The following ASB15 variants were observed in gnomAD, a reference collection of about 807,000 sequenced individuals.
ASB15 encodes the protein ankyrin repeat and SOCS box protein 15.
A neutral mutation model predicts 58.0 loss-of-function variants in ASB15; 54 were observed. The ratio of observed to expected loss-of-function variants is 0.93; its 90% CI spans 0.75 to 1.17. The LOEUF is 1.17. Ranked by LOEUF, ASB15 falls within the 50% of genes most tolerant of loss-of-function variation. ASB15 has a pLI of 0.00. For synonymous variants in ASB15, 249 were observed against 262.4 expected (o/e 0.95, Z 0.50); for missense variants, 680 against 707.4 (o/e 0.96, Z 0.44).
chr7:123,595,906 A>C (rs1799678932), intron 1 of ASB15, among the ~76,000 whole-genome samples: 1 of 152,232 alleles, frequency 6.6e-6, no homozygotes, highest in Admixed American at 6.5e-5. Context: ...ACCAAACCTC[A>C]AAACTCAATC....
Position 123,624,803 on chromosome 7 carries a change from T to A in ASB15, c.686T>A (p.Leu229Gln). Reference protein sequence around the residue: ...EYGHCDVLEHLIHKGGDVLAL... With the variant: ...EYGHCDVLEHQIHKGGDVLAL... ...GGTCACTGTGACGTGTTAGAACATC[T>A]AATCCACAAAGGTATGTGAAAAGGA... Residue 229 changes from leucine (L) to glutamine (Q), a missense_variant, in exon 8 of 12, where the codon CTA (leucine) becomes CAA (glutamine). Coordinates refer to ENST00000451215, the MANE Select transcript of ASB15 (RefSeq NM_001290258.2). The A allele has an allele frequency of 6.2e-7, 1 of 1,613,812 alleles. No individual in the cohort carries two copies. The highest frequency in any genetic ancestry group is 1.7e-5 in the Admixed American group (1 of 59,984).
At chr7:123,616,144 A>C (rs1800797439) in intron 4 of ASB15, 77 bp from the exon 5 acceptor site, 1 of 1,205,624 alleles carries the variant, frequency 8.3e-7, no homozygotes, top group East Asian at 2.5e-5. Flanking sequence ...TAAAAATGCA[A>C]TATAAATTAA....
chr7:123,629,939 T>C (rs1802032461), intron 10 of ASB15, 27 bp from the exon 11 acceptor site: 15 of 1,504,736 alleles, frequency 1.0e-5, no homozygotes, highest in African/African-American at 1.4e-5. Flanking sequence ...AAAATACTAC[T>C]AAATTAAATT....
intron 1 of ASB15, among the ~76,000 whole-genome samples, chr7:123,580,063 GA>G (rs1799183243): frequency 6.6e-6 from 1 of 152,068 alleles, no homozygotes; most frequent in African/African-American, 2.4e-5. Context: ...GAGGAAAAGA[GA>G]TTGGCGGGAT....
At chr7:123,609,007 T>C (rs1385503664) in intron 3 of ASB15, 1 of 151,658 alleles carries the variant, frequency 6.6e-6, no homozygotes, top group African/African-American at 2.4e-5. Context: ...CTTTTAACTC[T>C]TGCCCTTCCT....
chr7:123,583,338 TATC>T (rs1341377939), intron 1 of ASB15, among the ~76,000 whole-genome samples: 1 of 151,952 alleles, frequency 6.6e-6, no homozygotes, highest in African/African-American at 2.4e-5. Context: ...TATGAGGAGA[TATC>T]ATGGGAAGTG....
chr7:123,633,300 AAAAT>A (rs1315155856), intron 11 of ASB15, among the ~76,000 whole-genome samples: 65 of 152,128 alleles, frequency 4.3e-4, no homozygotes, highest in African/African-American at 1.5e-3. Context: ...GTACATAGAT[AAAAT>A]AAATAATATT....
chr7:123,614,595 A>C lies in ASB15; in HGVS notation c.93A>C (p.Ala31=), dbSNP rs1232216995. The change falls in exon 4 of 12, where the codon GCA becomes GCC. Residue 31 remains alanine, a synonymous_variant. Coordinates refer to ENST00000451215, the MANE Select transcript of ASB15 (RefSeq NM_001290258.2). ...IQESIEASKT[A]LCPERFVPLS... ...AATCCATTGAAGCCAGCAAGACTGC[A>C]CTTTGTCCTGAAAGGTAGTATTCAA... 2 of 1,602,030 alleles carry C rather than the reference A, an allele frequency of 1.2e-6. No homozygotes were observed. The highest frequency in any genetic ancestry group is 2.2e-5 in the East Asian group (1 of 44,744).
chr7:123,568,916 C>G (rs1364918209), intron 1 of ASB15, among the ~76,000 whole-genome samples: 1 of 152,138 alleles, frequency 6.6e-6, no homozygotes, highest in Non-Finnish European at 1.5e-5. Context: ...TCTAACTAAT[C>G]TCGTCCAACA....
chr7:123,618,560 A>T (rs554810588), intron 7 of ASB15, among the ~76,000 whole-genome samples: 1 of 152,298 alleles, frequency 6.6e-6, no homozygotes, highest in Non-Finnish European at 1.5e-5. Context: ...ACATTAATAG[A>T]TGTTCAAGAG....
intron 8 of ASB15, 131 bp from the exon 9 acceptor site, chr7:123,626,979 G>T: frequency 1.1e-6 from 1 of 884,442 alleles, no homozygotes; most frequent in South Asian, 1.8e-5. Context: ...CTCATGATCC[G>T]CCCGCCTCAG....
At chr7:123,589,778 A>G (rs750080919) in intron 1 of ASB15, among the ~76,000 whole-genome samples, 1 of 152,176 alleles carries the variant, frequency 6.6e-6, no homozygotes, top group Non-Finnish European at 1.5e-5. Context: ...CACAATAAAC[A>G]TATGTGTGCA....
chr7:123,571,704 CAA>C (rs1476763053), intron 1 of ASB15, among the ~76,000 whole-genome samples: 6 of 152,100 alleles, frequency 3.9e-5, no homozygotes, highest in Non-Finnish European at 8.8e-5. Flanking sequence ...GTTGTTTCAC[CAA>C]ATTCACACCA....
Position 123,628,880 on chromosome 7 carries a change from A to C in ASB15, c.886A>C (p.Ile296Leu). Residue 296 changes from isoleucine to leucine, a missense_variant, in exon 10 of 12, where the codon ATC becomes CTC. Physicochemically the swap from Ile to Leu is conservative, Grantham distance 5. Transcript: ENST00000451215. ...EGHYLALKYL[I>L]PVTSKNAIRK... ...TTCTTTTAGTGCACTGAAATATCTT[A>C]TCCCAGTAACATCTAAAAATGCAAT... The C allele has an allele frequency of 6.5e-7, 1 of 1,544,222 alleles. No individual in the cohort carries two copies. The highest frequency in any genetic ancestry group is 8.7e-7 in the Non-Finnish European group (1 of 1,147,226).
chr7:123,629,445 C>T lies in ASB15; in HGVS notation c.1440+11C>T, dbSNP rs1802006132. 3 of 1,571,422 alleles carry T rather than the reference C, an allele frequency of 1.9e-6. No individual in the cohort carries two copies. Among genetic ancestry groups the T allele is most frequent in the Non-Finnish European group, 2.6e-6 (3 of 1,155,070 alleles). On this transcript the variant is annotated intron_variant, in intron 10 of 11. Coordinates refer to ENST00000451215, the MANE Select transcript of ASB15 (RefSeq NM_001290258.2). ...ATAAAAGATAACCCGGTGAGTTATGCCTTTTCTGCTTTATATTGAGTTATC... is the reference window on the plus strand; with the variant it reads ...ATAAAAGATAACCCGGTGAGTTATGTCTTTTCTGCTTTATATTGAGTTATC...
chr7:123,636,729 G>A, intron 11 of ASB15, 80 bp from the exon 12 acceptor site: 1 of 1,209,978 alleles, frequency 8.3e-7, no homozygotes, highest in Admixed American at 2.2e-5. Context: ...CACTACTCAT[G>A]TTATTCTGAA....
chr7:123,629,226 T>G lies in ASB15; in HGVS notation c.1232T>G (p.Met411Arg). 7 of 1,613,996 alleles carry G rather than the reference T, an allele frequency of 4.3e-6. No individual in the cohort carries two copies. Among genetic ancestry groups the G allele is most frequent in the Non-Finnish European group, 5.1e-6 (6 of 1,179,836 alleles). The change falls in exon 10 of 12, where the codon ATG becomes AGG. Residue 411 changes from methionine (M) to arginine (R), a missense_variant. Coordinates refer to ENST00000451215, the MANE Select transcript of ASB15 (RefSeq NM_001290258.2). ...SHGANVNCYF[M>R]HVNDTRFPSV... The stretch of plus-strand genomic sequence containing the variant: ...GGAGCTAATGTCAATTGTTATTTTA[T>G]GCATGTGAATGACACTCGTTTCCCC...
At chr7:123,571,077 A>G (rs1584717656) in intron 1 of ASB15, among the ~76,000 whole-genome samples, 1 of 152,190 alleles carries the variant, frequency 6.6e-6, no homozygotes, top group South Asian at 2.1e-4. Flanking sequence ...GGTCAATAAA[A>G]GTTGTAATAT....
intron 1 of ASB15, among the ~76,000 whole-genome samples, chr7:123,591,232 A>G (rs1320247084): frequency 6.6e-6 from 1 of 152,206 alleles, no homozygotes; most frequent in Non-Finnish European, 1.5e-5. Flanking sequence ...ATATAAAATC[A>G]TGTCATCTGC....
Sources: allele counts gnomAD v4.1 joint callset (sites outside exome capture counted in the v4.1 genomes callset), GRCh38; gene constraint gnomAD v4.1.1; transcripts MANE v1.5; gene names NCBI Gene and HGNC (gene_info 2026-07-23, HGNC 2026-07-21).